CA5A: variants seen among roughly 807,000 people sequenced by gnomAD.
CA5A encodes carbonic anhydrase 5A, mitochondrial.
A neutral mutation model predicts 37.1 loss-of-function variants in CA5A; 28 were observed. The observed-to-expected ratio is 0.75, with a 90% confidence interval of 0.56 to 1.03. CA5A has a LOEUF of 1.03. CA5A is among the 50% of genes least tolerant of loss of function. The pLI is 0.00. For synonymous variants in CA5A, 171 were observed against 158.4 expected (o/e 1.08, Z -0.60); for missense variants, 444 against 399.9 (o/e 1.11, Z -0.94).
chr16:87,916,976 G>A (rs1268195223), intron 2 of CA5A, among the ~76,000 whole-genome samples: 2 of 151,862 alleles, frequency 1.3e-5, no homozygotes, highest in African/African-American at 2.4e-5. Flanking sequence ...GTGGTGGTAG[G>A]CGCCTGTAGT....
chr16:87,910,251 G>C (rs1408548063), intron 2 of CA5A, among the ~76,000 whole-genome samples: 2 of 152,310 alleles, frequency 1.3e-5, no homozygotes, highest in East Asian at 1.9e-4. Flanking sequence ...GAGAAGGCTT[G>C]GTGTGTACCA....
chr16:87,922,843 T>G (rs1289723741), intron 2 of CA5A, among the ~76,000 whole-genome samples: 3 of 152,228 alleles, frequency 2.0e-5, no homozygotes, highest in Non-Finnish European at 2.9e-5. Flanking sequence ...CTCCCCAGAT[T>G]CCCTTCTTTG....
chr16:87,931,768 A>T (rs6540112), intron 1 of CA5A, among the ~76,000 whole-genome samples: 1 of 152,148 alleles, frequency 6.6e-6, no homozygotes, highest in Admixed American at 6.5e-5. Flanking sequence ...GCTGGGAAAC[A>T]GTGGGCCCTG....
intron 5 of CA5A, among the ~76,000 whole-genome samples, chr16:87,894,382 T>C (rs1322340743): frequency 1.3e-5 from 2 of 152,082 alleles, no homozygotes; most frequent in African/African-American, 4.8e-5. Flanking sequence ...TTGACTTTGC[T>C]GGGCCCTGGC....
At chr16:87,928,449 G>C (rs1198955587) in intron 1 of CA5A, among the ~76,000 whole-genome samples, 1 of 152,180 alleles carries the variant, frequency 6.6e-6, no homozygotes, top group African/African-American at 2.4e-5. Context: ...CCAAAGTGCT[G>C]AGATTAGAAG....
chr16:87,893,423 G>A (rs899123090), intron 5 of CA5A: 12 of 505,774 alleles, frequency 2.4e-5, no homozygotes, highest in African/African-American at 3.9e-5. Flanking sequence ...CACCACGCCC[G>A]GCTTGCCTGG....
intron 2 of CA5A, among the ~76,000 whole-genome samples, chr16:87,913,305 C>CCTTTT (rs2056079068): frequency 3.0e-5 from 4 of 133,316 alleles, no homozygotes; most frequent in Admixed American, 3.0e-4. Context: ...ATGTTCCAGT[C>CCTTTT]TTTTTTTTTT....
At chr16:87,897,349 A>G (rs2055819369) in intron 5 of CA5A, among the ~76,000 whole-genome samples, 1 of 152,184 alleles carries the variant, frequency 6.6e-6, no homozygotes, top group Non-Finnish European at 1.5e-5. Flanking sequence ...TTTTGCCAAA[A>G]CTTCTGGCTA....
Position 87,926,787 on chromosome 16 carries a change from G to A in CA5A, c.301C>T (p.Leu101Phe). 1 of 1,614,148 alleles carries A rather than the reference G, an allele frequency of 6.2e-7. No homozygotes were observed. The highest frequency in any genetic ancestry group is 8.5e-7 in the Non-Finnish European group (1 of 1,179,980). Residue 101 changes from leucine to phenylalanine, a missense_variant, in exon 2 of 7, where the codon CTC becomes TTC. Transcript: ENST00000649794. Reference protein sequence around the residue: ...SCLYIWNTGYLFQVEFDDATE... With the variant: ...SCLYIWNTGYFFQVEFDDATE... ...GCATCGTCAAATTCCACCTGGAAGA[G>A]GTAGCCAGTGTTCCAGATGTACAGG...
intron 2 of CA5A, among the ~76,000 whole-genome samples, chr16:87,920,617 T>A (rs1407978375): frequency 1.3e-5 from 2 of 150,842 alleles, no homozygotes; most frequent in African/African-American, 4.9e-5. Context: ...GCCAATTTAG[T>A]CACTTATTTT....
chr16:87,936,192 G>T, intron 1 of CA5A, 117 bp downstream of exon 1: 2 of 560,622 alleles, frequency 3.6e-6, no homozygotes, highest in Non-Finnish European at 6.2e-6. Context: ...AAAAAAAAAC[G>T]GAGTGGAAAT....
At position 87,915,621 on chromosome 16, in the gene CA5A, C is replaced by T. The variant is rs55760485; in HGVS notation, c.341-10717G>A. Among the ~76,000 whole-genome samples the T allele has an allele frequency of 8.9e-3, 981 of 110,186 alleles. 11 individuals are homozygous for T. The highest frequency in any genetic ancestry group is 0.033 in the African/African-American group (937 of 28,628). 72.3% of individuals were successfully genotyped at this position (110,186 alleles called of 152,430 possible). Reference sequence around the variant, plus strand: ...GGAGGATCAATTGAGCTCAGGAGGTCGAGGCTGCAGTGGGCTGTGATTGCA... The same window carrying T: ...GGAGGATCAATTGAGCTCAGGAGGTTGAGGCTGCAGTGGGCTGTGATTGCA... On this transcript the variant is annotated intron_variant, in intron 2 of 6. Coordinates refer to ENST00000649794, the MANE Select transcript of CA5A (RefSeq NM_001739.2).
chr16:87,904,685 C>T (rs2055931298), intron 3 of CA5A, 101 bp downstream of exon 3: 6 of 706,878 alleles, frequency 8.5e-6, no homozygotes, highest in Non-Finnish European at 1.5e-5. Context: ...CCCAGGAAAT[C>T]CTTCACATCT....
chr16:87,913,842 C>T (rs1398243563), intron 2 of CA5A, among the ~76,000 whole-genome samples: 2 of 152,218 alleles, frequency 1.3e-5, no homozygotes, highest in Non-Finnish European at 2.9e-5. Context: ...TCCTTGTCTG[C>T]TCTTGCTGGG....
rs2143887644 is a variant in CA5A, at chr16:87,888,018, T to G, written c.*111A>C. On this transcript the variant is annotated 3_prime_UTR_variant, in exon 7 of 7. Transcript: ENST00000649794. ...AAGTACTTCGACTAAAACAATAACC[T>G]CATGCTCTCTTTTTAATTTCAGAAG... is the stretch of plus-strand genomic sequence containing the variant. The G allele has an allele frequency of 6.8e-7, 1 of 1,463,776 alleles. No individual in the cohort carries two copies. The highest frequency in any genetic ancestry group is 2.2e-4 in the Middle Eastern group (1 of 4,510). 90.7% of individuals were successfully genotyped at this position (1,463,776 alleles called of 1,614,324 possible). A position where few individuals can be genotyped will look rare whatever the true frequency, so the allele number is the denominator to read the frequency against.
chr16:87,918,794 C>G (rs1005346905), intron 2 of CA5A, among the ~76,000 whole-genome samples: 5 of 152,198 alleles, frequency 3.3e-5, no homozygotes, highest in African/African-American at 9.7e-5. Context: ...CTGAGGTTCT[C>G]ATTCCCTCCA....
At chr16:87,922,566 G>T (rs1270057485) in intron 2 of CA5A, among the ~76,000 whole-genome samples, 3 of 152,240 alleles carry the variant, frequency 2.0e-5, no homozygotes, top group African/African-American at 7.2e-5. Flanking sequence ...CAGGGTTGGG[G>T]CGTGGGTTTG....
At chr16:87,910,235 G>A (rs573365009) in intron 2 of CA5A, among the ~76,000 whole-genome samples, 6 of 152,324 alleles carry the variant, frequency 3.9e-5, no homozygotes, top group South Asian at 4.1e-4. Flanking sequence ...CGTCGTTGTC[G>A]TGATGGAGAA....
At chr16:87,923,866 A>G (rs188231693) in intron 2 of CA5A, 560 of 984,324 alleles carry the variant, frequency 5.7e-4, no homozygotes, top group South Asian at 1.0e-3. Context: ...TCTCAAAATT[A>G]CTAATACATT....
Sources: gnomAD v4.1 joint callset for allele counts (sites outside exome capture counted in the v4.1 genomes callset) on GRCh38, gnomAD v4.1.1 for gene constraint, MANE v1.5 for transcripts, NCBI Gene and HGNC (gene_info 2026-07-23, HGNC 2026-07-21) for gene names.